The following FAM168A variants were observed in gnomAD, a reference collection of about 807,000 sequenced individuals.
FAM168A encodes family with sequence similarity 168 member A.
A neutral mutation model predicts 28.5 loss-of-function variants in FAM168A; 3 were observed. The ratio of observed to expected loss-of-function variants is 0.11; its 90% CI spans 0.05 to 0.27. The LOEUF is 0.27. Among genes scored for constraint, FAM168A ranks in the 10% least tolerant of loss-of-function variants. FAM168A has a pLI of 1.00. For missense variants in FAM168A, 222 were observed against 311.5 expected, an observed-to-expected ratio of 0.71 and a Z score of 2.16; for synonymous variants, 122 against 124.2, an observed-to-expected ratio of 0.98 and a Z score of 0.12.
intron 2 of FAM168A, among the ~76,000 whole-genome samples, chr11:73,443,873 A>G (rs940011286): frequency 1.3e-5 from 2 of 152,148 alleles, no homozygotes; most frequent in African/African-American, 4.8e-5. Flanking sequence ...CTTCTCCTGT[A>G]TCTGCATGTG....
rs140722006 is a variant in FAM168A, at chr11:73,463,900, C to T, written c.70+4505G>A. 1.5e-3 allele frequency among the ~76,000 whole-genome samples: 224 copies of T among 152,146 alleles called. 2 individuals carry two copies. The highest frequency in any genetic ancestry group is 5.1e-3 in the African/African-American group (213 of 41,486). ...ATTCTCTTTAGATGCTCTTCTTCAA[C>T]CATAGGTGAAAAAGTAATTAAGTGA... On this transcript the variant is annotated intron_variant, in intron 2 of 7. Transcript: ENST00000356467.
intron 1 of FAM168A, among the ~76,000 whole-genome samples, chr11:73,529,819 G>T (rs147538689): frequency 5.3e-5 from 5 of 95,222 alleles, no homozygotes; most frequent in Admixed American, 9.0e-5. Context: ...TTTTGGAGAC[G>T]CAGTCTTGCT....
chr11:73,494,314 G>A (rs1251834381), intron 1 of FAM168A, among the ~76,000 whole-genome samples: 4 of 152,170 alleles, frequency 2.6e-5, no homozygotes, highest in Non-Finnish European at 5.9e-5. Flanking sequence ...CAGGCCCCTA[G>A]AGTCCCAGCC....
chr11:73,484,057 A>C (rs1256869666), intron 1 of FAM168A, among the ~76,000 whole-genome samples: 1 of 152,196 alleles, frequency 6.6e-6, no homozygotes, highest in Non-Finnish European at 1.5e-5. Context: ...CTTGGTTCCC[A>C]ATGTACTTTC....
intron 2 of FAM168A, among the ~76,000 whole-genome samples, chr11:73,433,840 C>CTTTT (rs34260175): frequency 2.0e-4 from 17 of 83,326 alleles, no homozygotes; most frequent in African/African-American, 1.6e-4. Context: ...AGGGTAGGCC[C>CTTTT]TTTTTTTTTT....
At chr11:73,552,954 C>CTCAA (rs756488793) in intron 1 of FAM168A, among the ~76,000 whole-genome samples, 47 of 152,132 alleles carry the variant, frequency 3.1e-4, no homozygotes, top group African/African-American at 7.5e-4. Context: ...GAGATTCTGT[C>CTCAA]TCAATCAATC....
intron 1 of FAM168A, among the ~76,000 whole-genome samples, chr11:73,496,062 TATACACACATGC>T (rs1216627506): frequency 3.9e-5 from 6 of 152,140 alleles, no homozygotes; most frequent in Non-Finnish European, 8.8e-5. Flanking sequence ...GAAAATGTTG[TATACACACATGC>T]ATACACACAA....
chr11:73,415,091 C>T (rs1186966571), intron 4 of FAM168A, among the ~76,000 whole-genome samples: 1 of 152,166 alleles, frequency 6.6e-6, no homozygotes. Flanking sequence ...ATTTGGTTCC[C>T]ACATCTAAGA....
At chr11:73,520,369 G>A (rs1017955373) in intron 1 of FAM168A, among the ~76,000 whole-genome samples, 10 of 152,016 alleles carry the variant, frequency 6.6e-5, no homozygotes, top group African/African-American at 2.4e-4. Flanking sequence ...TTGTTTTAAA[G>A]CTAGCTTTAT....
At chr11:73,496,874 C>T (rs1156365331) in intron 1 of FAM168A, among the ~76,000 whole-genome samples, 1 of 67,358 alleles carries the variant, frequency 1.5e-5, no homozygotes, top group East Asian at 3.0e-4. Flanking sequence ...ATGTTCTTAT[C>T]ACACACACAC....
At chr11:73,444,159 C>T (rs984956207) in intron 2 of FAM168A, among the ~76,000 whole-genome samples, 1 of 152,190 alleles carries the variant, frequency 6.6e-6, no homozygotes, top group South Asian at 2.1e-4. Flanking sequence ...ATATCCTATA[C>T]TGCAGGCCAG....
intron 1 of FAM168A, among the ~76,000 whole-genome samples, chr11:73,572,316 C>T (rs1238384982): frequency 6.6e-6 from 1 of 152,198 alleles, no homozygotes; most frequent in African/African-American, 2.4e-5. Context: ...CTCTGCCTGG[C>T]CGCCCCTACT....
intron 1 of FAM168A, among the ~76,000 whole-genome samples, chr11:73,571,270 T>C (rs1011277066): frequency 6.1e-5 from 6 of 98,578 alleles, no homozygotes; most frequent in Admixed American, 1.3e-4. Flanking sequence ...TCTCCCTCTC[T>C]TTCCACGGTC....
At chr11:73,417,520 T>A (rs1866714720) in intron 4 of FAM168A, among the ~76,000 whole-genome samples, 1 of 152,018 alleles carries the variant, frequency 6.6e-6, no homozygotes, top group African/African-American at 2.4e-5. Context: ...CTACCTGAGG[T>A]ATCTGGAGAA....
chr11:73,477,939 AG>A (rs1314297157), intron 1 of FAM168A, among the ~76,000 whole-genome samples: 5 of 150,128 alleles, frequency 3.3e-5, no homozygotes, highest in Non-Finnish European at 7.4e-5. Flanking sequence ...ATAGATAGAT[AG>A]ATAGATAGAT....
chr11:73,594,259 C>T (rs1221586503), intron 1 of FAM168A, among the ~76,000 whole-genome samples: 1 of 151,694 alleles, frequency 6.6e-6, no homozygotes, highest in Non-Finnish European at 1.5e-5. Flanking sequence ...GCTACCACAC[C>T]CAGCAAATTT....
chr11:73,581,586 C>T lies in FAM168A; in HGVS notation c.-19+16337G>A, dbSNP rs555851830. On this transcript the variant is annotated intron_variant, in intron 1 of 7. Transcript: ENST00000356467. ...CTGACTCCATGTCCAGAATTGTCCACACATAAGACCTAGTCTTCTTTCAAA... is the reference window on the plus strand; with the variant it reads ...CTGACTCCATGTCCAGAATTGTCCATACATAAGACCTAGTCTTCTTTCAAA... 3.9e-4 allele frequency among the ~76,000 whole-genome samples: 59 copies of T among 152,344 alleles called. 1 individual carries two copies. The highest frequency in any genetic ancestry group is 2.6e-3 in the Admixed American group (39 of 15,292).
At chr11:73,572,093 C>T (rs1215280298) in intron 1 of FAM168A, among the ~76,000 whole-genome samples, 6 of 151,818 alleles carry the variant, frequency 4.0e-5, no homozygotes, top group South Asian at 2.1e-4. Context: ...CCCCTCCGCC[C>T]GGCAGCCACC....
intron 1 of FAM168A, among the ~76,000 whole-genome samples, chr11:73,496,068 C>T (rs1854866685): frequency 6.6e-6 from 1 of 152,116 alleles, no homozygotes; most frequent in Admixed American, 6.5e-5. Flanking sequence ...GTTGTATACA[C>T]ACATGCATAC....
Sources: gnomAD v4.1 joint callset for allele counts (sites outside exome capture counted in the v4.1 genomes callset) on GRCh38, gnomAD v4.1.1 for gene constraint, MANE v1.5 for transcripts, NCBI Gene and HGNC (gene_info 2026-07-23, HGNC 2026-07-21) for gene names.